The following SGCZ variants were observed in gnomAD, a reference collection of about 807,000 sequenced individuals.
SGCZ encodes zeta-sarcoglycan.
SGCZ carries 40 observed loss-of-function variants against 41.3 expected under a neutral mutation model. That is an observed-to-expected ratio of 0.97 (90% CI 0.75 to 1.26). SGCZ has a LOEUF of 1.26. Among genes scored for constraint, SGCZ ranks in the 50% most tolerant of loss-of-function variants. The pLI is 0.00. For missense variants in SGCZ, 552 were observed against 369.8 expected, an observed-to-expected ratio of 1.49 and a Z score of -4.04; for synonymous variants, 206 against 137.5, an observed-to-expected ratio of 1.50 and a Z score of -3.49.
chr8:14,211,010 A>G (rs1805787107), intron 4 of SGCZ, among the ~76,000 whole-genome samples: 2 of 152,328 alleles, frequency 1.3e-5, no homozygotes, highest in African/African-American at 4.8e-5. Flanking sequence ...TATTAGCAAC[A>G]ACAACAAATA....
intron 1 of SGCZ, among the ~76,000 whole-genome samples, chr8:14,816,401 C>G (rs1029992527): frequency 6.6e-6 from 1 of 152,206 alleles, no homozygotes; most frequent in African/African-American, 2.4e-5. Context: ...CAGGATACCT[C>G]AGACTTCACT....
In SGCZ at chr8:15,019,201, G is replaced by A. The variant is rs74781636; in HGVS notation, c.39+218384C>T. Among the ~76,000 whole-genome samples, 1,314 of 152,296 alleles carry A rather than the reference G, an allele frequency of 8.6e-3. 5 individuals carry two copies. The highest frequency in any genetic ancestry group is 0.015 in the African/African-American group (611 of 41,566). On this transcript the variant is annotated intron_variant, in intron 1 of 7. Transcript: ENST00000382080. Reference sequence around the variant, plus strand: ...CAGCTGTGATTTGATGTGATGGACTGGACTGAGAATGACTTATGGGGGTGA... The same window carrying A: ...CAGCTGTGATTTGATGTGATGGACTAGACTGAGAATGACTTATGGGGGTGA...
intron 1 of SGCZ, among the ~76,000 whole-genome samples, chr8:14,677,805 T>C (rs1808322749): frequency 1.3e-5 from 2 of 151,950 alleles, no homozygotes; most frequent in South Asian, 4.1e-4. Context: ...AATAAATAAG[T>C]AAACTTTATA....
At chr8:14,211,299 A>G (rs1013937625) in intron 4 of SGCZ, among the ~76,000 whole-genome samples, 2 of 151,860 alleles carry the variant, frequency 1.3e-5, no homozygotes, top group African/African-American at 4.8e-5. Flanking sequence ...TGTCTCCTCC[A>G]CTCATGAACT....
chr8:14,381,781 GTC>G (rs1804375286), intron 2 of SGCZ, among the ~76,000 whole-genome samples: 1 of 150,728 alleles, frequency 6.6e-6, no homozygotes, highest in Non-Finnish European at 1.5e-5. Context: ...GCAAGACCCT[GTC>G]TCAAAAAAAA....
chr8:14,822,763 G>C (rs1225786565), intron 1 of SGCZ, among the ~76,000 whole-genome samples: 1 of 151,466 alleles, frequency 6.6e-6, no homozygotes, highest in African/African-American at 2.4e-5. Flanking sequence ...AAAAAAAAAA[G>C]ATATCCACAT....
At chr8:14,784,915 TATATATATATATATATATAAA>T (rs1335207368) in intron 1 of SGCZ, among the ~76,000 whole-genome samples, 1 of 64,058 alleles carries the variant, frequency 1.6e-5, no homozygotes, top group East Asian at 4.7e-4. Context: ...AAAAAAAAAA[TATATATATATATATATATAAA>T]ATATATATAT....
rs150797856 is a variant in SGCZ at position 14,730,354 on chromosome 8, G to A, written c.40-175428C>T. 4.4e-3 allele frequency among the ~76,000 whole-genome samples: 665 copies of A among 152,264 alleles called. 1 individual carries two copies. The highest frequency in any genetic ancestry group is 7.0e-3 in the Non-Finnish European group (478 of 68,024). Reference sequence around the variant, plus strand: ...CCATACATACATTTGTATGTATACTGGGGTGGAGTGAGGAGACGGGATATA... The same window carrying A: ...CCATACATACATTTGTATGTATACTAGGGTGGAGTGAGGAGACGGGATATA... On this transcript the variant is annotated intron_variant, in intron 1 of 7. Transcript: ENST00000382080.
chr8:14,650,595 C>G (rs1807365457), intron 1 of SGCZ, among the ~76,000 whole-genome samples: 1 of 151,790 alleles, frequency 6.6e-6, no homozygotes, highest in Non-Finnish European at 1.5e-5. Flanking sequence ...TTATAAGTGA[C>G]AGGTTATCTT....
At chr8:14,707,816 C>G (rs570565703) in intron 1 of SGCZ, among the ~76,000 whole-genome samples, 16 of 152,180 alleles carry the variant, frequency 1.1e-4, no homozygotes, top group African/African-American at 3.6e-4. Context: ...AAATAAATCA[C>G]AATTAATTTT....
At chr8:14,439,990 A>AT (rs1800201408) in intron 2 of SGCZ, among the ~76,000 whole-genome samples, 2 of 151,678 alleles carry the variant, frequency 1.3e-5, no homozygotes, top group East Asian at 1.9e-4. Flanking sequence ...GACAAAAAAA[A>AT]TTTTAACTAA....
intron 4 of SGCZ, among the ~76,000 whole-genome samples, chr8:14,212,345 T>A (rs967533908): frequency 2.6e-5 from 4 of 151,892 alleles, no homozygotes; most frequent in Non-Finnish European, 5.9e-5. Context: ...TACCCATAGA[T>A]ACTGGGTGAA....
chr8:14,772,713 T>C (rs990400554), intron 1 of SGCZ, among the ~76,000 whole-genome samples: 3 of 151,734 alleles, frequency 2.0e-5, no homozygotes, highest in African/African-American at 7.3e-5. Context: ...TTACTGAGAA[T>C]GATGATTTCC....
At chr8:15,131,353 C>T (rs60680158) in intron 1 of SGCZ, among the ~76,000 whole-genome samples, 9,943 of 152,218 alleles carry the variant, frequency 0.065, 340 homozygotes, top group Middle Eastern at 0.12. Flanking sequence ...TTCTCTCTTG[C>T]CTGCCGCCAT....
intron 1 of SGCZ, among the ~76,000 whole-genome samples, chr8:14,603,710 G>C (rs928123489): frequency 5.9e-5 from 9 of 152,046 alleles, no homozygotes; most frequent in South Asian, 4.1e-4. Context: ...GCAGTTATCT[G>C]TTGTTGTTAA....
At chr8:14,732,964 T>C (rs1278549149) in intron 1 of SGCZ, among the ~76,000 whole-genome samples, 1 of 152,146 alleles carries the variant, frequency 6.6e-6, no homozygotes, top group Non-Finnish European at 1.5e-5. Context: ...TATACATTAG[T>C]TTATCATTTA....
intron 1 of SGCZ, among the ~76,000 whole-genome samples, chr8:14,626,831 C>A (rs1392482704): frequency 6.6e-6 from 1 of 152,100 alleles, no homozygotes; most frequent in Non-Finnish European, 1.5e-5. Flanking sequence ...ACTGAGAGAC[C>A]ATCAATTCTA....
intron 4 of SGCZ, among the ~76,000 whole-genome samples, chr8:14,190,090 G>A (rs1362678376): frequency 7.6e-6 from 1 of 130,820 alleles, no homozygotes; most frequent in Admixed American, 9.6e-5. Flanking sequence ...TTGACTCGCT[G>A]CAAGCTCCGC....
intron 1 of SGCZ, among the ~76,000 whole-genome samples, chr8:14,670,711 G>T (rs182870529): frequency 6.6e-6 from 1 of 152,244 alleles, no homozygotes; most frequent in East Asian, 1.9e-4. Flanking sequence ...TAAGCTGTTT[G>T]CATATTTTGA....
Sources: gnomAD v4.1 joint callset for allele counts (sites outside exome capture counted in the v4.1 genomes callset) on GRCh38, gnomAD v4.1.1 for gene constraint, MANE v1.5 for transcripts, NCBI Gene and HGNC (gene_info 2026-07-23, HGNC 2026-07-21) for gene names.